Variants in CLEC11A observed in about 807,000 individuals in gnomAD.
CLEC11A encodes C-type lectin domain containing 11A.
A neutral mutation model predicts 33.9 loss-of-function variants in CLEC11A; 35 were observed. The ratio of observed to expected loss-of-function variants is 1.03; its 90% CI spans 0.79 to 1.37. The LOEUF (loss-of-function observed/expected upper bound fraction) is 1.37. Among genes scored for constraint, CLEC11A ranks in the 40% most tolerant of loss-of-function variants. The pLI is 0.00. For synonymous variants in CLEC11A, 220 were observed against 202.2 expected (o/e 1.09, Z -0.75); for missense variants, 519 against 455.5 (o/e 1.14, Z -1.27).
chr19:50,724,137 G>C lies in CLEC11A; in HGVS notation c.334+46G>C, dbSNP rs559666416. The C allele has an allele frequency of 1.1e-5, 17 of 1,603,370 alleles. No homozygotes were observed. The South Asian group carries it at 1.7e-4, about 16-fold the overall frequency. On this transcript the variant is annotated intron_variant, in intron 2 of 3. Coordinates refer to ENST00000250340, the MANE Select transcript of CLEC11A (RefSeq NM_002975.3). This position sits in a 1 kb window ranked among gnomAD's most constrained non-coding sequence, Gnocchi z 4.1. ...ACCCCCAAACTCCTAGGCCGCCGCGGTCACTTTCGCAAAAATGAAGGGTCG... is the reference window on the plus strand; with the variant it reads ...ACCCCCAAACTCCTAGGCCGCCGCGCTCACTTTCGCAAAAATGAAGGGTCG...
At position 50,724,354 on chromosome 19, in the gene CLEC11A, G is replaced by GGCCCCCCGCTGCATCTCCAGGCTC; in HGVS notation, c.335-55_335-32dup. ...TAGATCCCAGTTCTCCAGGTCCTCAGGCCCCCCGCTGCATCTCCAGGCTCC... is the reference window on the plus strand; with the variant it reads ...TAGATCCCAGTTCTCCAGGTCCTCAGGCCCCCCGCTGCATCTCCAGGCTCGCCCCCCGCTGCATCTCCAGGCTCC... On this transcript the variant is annotated intron_variant, in intron 2 of 3. Transcript: ENST00000250340. The surrounding 1 kb of genome is among the most constrained non-coding windows in gnomAD (Gnocchi z 4.1). The GGCCCCCCGCTGCATCTCCAGGCTC allele has an allele frequency of 7.2e-7, 1 of 1,383,474 alleles. No homozygotes were observed. The highest frequency in any genetic ancestry group is 9.5e-7 in the Non-Finnish European group (1 of 1,056,902). The allele number at this position is 1,383,474 out of a possible 1,614,324, so 85.7% of individuals were successfully genotyped here.
chr19:50,725,119 C>T lies in CLEC11A; in HGVS notation c.624C>T (p.Gly208=), dbSNP rs1369296648. 6.5e-7 allele frequency: 1 copy of T among 1,541,412 alleles called. No homozygotes were observed. Among genetic ancestry groups the T allele is most frequent in the East Asian group, 2.5e-5 (1 of 40,642 alleles). ...AAAQARCTAR[G]GSLAQPADRQ... ...CGCAGGCGCGGTGCACGGCGCGGGG[C>T]GGGAGCCTGGCGCAGCCGGCAGACC... The change falls in exon 4 of 4, where the codon GGC becomes GGT. Residue 208 remains glycine (G), a synonymous_variant. Transcript: ENST00000250340.
Position 50,725,102 on chromosome 19 carries a change from C to A in CLEC11A, c.607C>A (p.Arg203=). The A allele has an allele frequency of 6.5e-7, 1 of 1,528,638 alleles. No homozygotes were observed. Among genetic ancestry groups the A allele is most frequent in the Non-Finnish European group, 8.8e-7 (1 of 1,139,780 alleles). 94.7% of individuals were successfully genotyped at this position (1,528,638 alleles called of 1,614,324 possible). Reference sequence around the variant, plus strand: ...CGAAGCTCAGGCGGCGGCGCAGGCGCGGTGCACGGCGCGGGGCGGGAGCCT... The same window carrying A: ...CGAAGCTCAGGCGGCGGCGCAGGCGAGGTGCACGGCGCGGGGCGGGAGCCT... The part of the protein sequence containing the change: ...DFEAQAAAQA[R]CTARGGSLAQ... The change falls in exon 4 of 4, where the codon CGG becomes AGG. Residue 203 remains arginine (R), a synonymous_variant. Coordinates refer to ENST00000250340, the MANE Select transcript of CLEC11A (RefSeq NM_002975.3).
chr19:50,724,615 G>A lies in CLEC11A; in HGVS notation c.526+14G>A. 1 of 1,390,604 alleles carries A rather than the reference G, an allele frequency of 7.2e-7. No homozygotes were observed. Among genetic ancestry groups the A allele is most frequent in the Non-Finnish European group, 9.3e-7 (1 of 1,076,514 alleles). The allele number at this position is 1,390,604 out of a possible 1,614,324, so 86.1% of individuals were successfully genotyped here. A position where few individuals can be genotyped will look rare whatever the true frequency, so the allele number is the denominator to read the frequency against. On this transcript the variant is annotated intron_variant, in intron 3 of 3. Coordinates refer to ENST00000250340, the MANE Select transcript of CLEC11A (RefSeq NM_002975.3). The surrounding 1 kb of genome is among the most constrained non-coding windows in gnomAD (Gnocchi z 4.1). Reference sequence around the variant, plus strand: ...GCCGCTTGGAGGGTGAGTCCGCGGCGCGCGGGGTGGAAAAAAATGAGACTA... The same window carrying A: ...GCCGCTTGGAGGGTGAGTCCGCGGCACGCGGGGTGGAAAAAAATGAGACTA...
rs2089180162 is a variant in CLEC11A, at chr19:50,725,422, C to T, written c.927C>T (p.His309=). ...CTGACGACGGCTCCTGGTGGGACCA[C>T]GACTGCCAGCGGCGTCTCTACTACG... ...QASDDGSWWD[H]DCQRRLYYVC... is the part of the protein sequence containing the mutation. Residue 309 remains histidine (H), a synonymous_variant, in exon 4 of 4, where the codon CAC becomes CAT. Transcript: ENST00000250340. 2 of 1,610,564 alleles carry T rather than the reference C, an allele frequency of 1.2e-6. No individual in the cohort carries two copies. The highest frequency in any genetic ancestry group is 1.7e-6 in the Non-Finnish European group (2 of 1,178,788).
rs1470493643 is a variant in CLEC11A at position 50,723,910 on chromosome 19, G to C, written c.153G>C (p.Leu51=). The C allele has an allele frequency of 6.2e-7, 1 of 1,607,816 alleles. No individual in the cohort carries two copies. Among genetic ancestry groups the C allele is most frequent in the Admixed American group, 1.7e-5 (1 of 58,724 alleles). ...REREALMLKH[L]QEALGLPAGR... ...CCACCCCTCCCCTGCCCCAGCATCTGCAGGAAGCCCTAGGACTGCCTGCTG... is the reference window on the plus strand; with the variant it reads ...CCACCCCTCCCCTGCCCCAGCATCTCCAGGAAGCCCTAGGACTGCCTGCTG... The change falls in exon 2 of 4, where the codon CTG becomes CTC. Residue 51 remains leucine, a synonymous_variant. Transcript: ENST00000250340. The surrounding 1 kb of genome is among the most constrained non-coding windows in gnomAD (Gnocchi z 4.1).
At position 50,725,358 on chromosome 19, in the gene CLEC11A, C is replaced by G; in HGVS notation, c.863C>G (p.Pro288Arg). The change falls in exon 4 of 4, where the codon CCC becomes CGC. Residue 288 changes from proline (P) to arginine (R), a missense_variant. Pro to Arg is a moderately radical substitution (Grantham distance 103, BLOSUM62 -2). Transcript: ENST00000250340. ...CCGCATCCGCTCAGCCCGGACCAGC[C>G]CAACGGTGGCACGCTCGAGAACTGC... ...ASPHPLSPDQ[P>R]NGGTLENCVA... The G allele has an allele frequency of 6.2e-7, 1 of 1,612,300 alleles. No homozygotes were observed.
Position 50,725,298 on chromosome 19 carries a change from C to T in CLEC11A, c.803C>T (p.Pro268Leu), listed in dbSNP as rs2089178323. ...RVSFFAWHRS[P>L]RPELGAQPSA... ...TCCTTCTTCGCCTGGCATCGCTCAC[C>T]CCGCCCCGAGCTCGGCGCCCAGCCC... Residue 268 changes from proline (P) to leucine (L), a missense_variant, in exon 4 of 4, where the codon CCC (proline) becomes CTC (leucine). By Grantham distance (98) the Pro-to-Leu change is moderately conservative. Transcript: ENST00000250340. 18 of 1,612,006 alleles carry T rather than the reference C, an allele frequency of 1.1e-5. No homozygotes were observed. Among genetic ancestry groups the T allele is most frequent in the Non-Finnish European group, 1.4e-5 (17 of 1,179,452 alleles).
chr19:50,723,842 G>A lies in CLEC11A; in HGVS notation c.148-63G>A. 1 of 1,564,748 alleles carries A rather than the reference G, an allele frequency of 6.4e-7. No individual in the cohort carries two copies. Among genetic ancestry groups the A allele is most frequent in the Non-Finnish European group, 8.6e-7 (1 of 1,156,890 alleles). On this transcript the variant is annotated intron_variant, in intron 1 of 3. Transcript: ENST00000250340. The surrounding 1 kb of genome is among the most constrained non-coding windows in gnomAD (Gnocchi z 4.1). Reference sequence around the variant, plus strand: ...GGCAGCAGAGAATGAGTTATGAGTTGGAAAGGGGTGAATGGGGCATCTTGG... The same window carrying A: ...GGCAGCAGAGAATGAGTTATGAGTTAGAAAGGGGTGAATGGGGCATCTTGG...
Position 50,723,968 on chromosome 19 carries a change from G to GGC in CLEC11A, c.211_212insGC (p.Glu71GlyfsTer70). The GGC allele has an allele frequency of 6.2e-7, 1 of 1,613,798 alleles. No individual in the cohort carries two copies. Among genetic ancestry groups the GGC allele is most frequent in the Non-Finnish European group, 8.5e-7 (1 of 1,179,876 alleles). On this transcript the variant is annotated frameshift_variant, in exon 2 of 4. Transcript: ENST00000250340. LOFTEE classifies it high-confidence loss of function. This position sits in a 1 kb window ranked among gnomAD's most constrained non-coding sequence, Gnocchi z 4.1. ...GGATGAGAATCCTGCCGGAACTGTTGAGGGAAAAGAGGACTGGGAGATGGA... is the reference window on the plus strand; with the variant it reads ...GGATGAGAATCCTGCCGGAACTGTTGGCAGGGAAAAGAGGACTGGGAGATGGA...
Position 50,725,034 on chromosome 19 carries a change from G to T in CLEC11A, c.539G>T (p.Gly180Val). The T allele has an allele frequency of 6.7e-7, 1 of 1,495,690 alleles. No homozygotes were observed. The highest frequency in any genetic ancestry group is 8.9e-7 in the Non-Finnish European group (1 of 1,126,060). The allele number at this position is 1,495,690 out of a possible 1,614,324, so 92.7% of individuals were successfully genotyped here. A position where few individuals can be genotyped will look rare whatever the true frequency, so the allele number is the denominator to read the frequency against. The stretch of plus-strand genomic sequence containing the variant: ...GCCCCGCCCACAGGCTGCCTGAAGG[G>T]GCTGCGCCTGGGCCACAAGTGCTTC... The part of the protein sequence containing the change: ...EHGRLEGCLK[G>V]LRLGHKCFLL... The change falls in exon 4 of 4, where the codon GGG (glycine) becomes GTG (valine). Residue 180 changes from glycine (G) to valine (V), a missense_variant. Transcript: ENST00000250340.
chr19:50,725,274 CCTT>C lies in CLEC11A; in HGVS notation c.784_786del (p.Phe262del), dbSNP rs752130000. ...CTCTTCGAAAACGGCCAGCGCGTGT[CCTT>C]CTTCGCCTGGCATCGCTCACCCCGC... On this transcript the variant is annotated inframe_deletion, in exon 4 of 4. Transcript: ENST00000250340. 11 of 1,611,672 alleles carry C rather than the reference CCTT, an allele frequency of 6.8e-6. No homozygotes were observed. The highest frequency in any genetic ancestry group is 1.6e-4 in the Middle Eastern group (1 of 6,076).
At position 50,723,980 on chromosome 19, in the gene CLEC11A, G is replaced by A; in HGVS notation, c.223G>A (p.Asp75Asn). The A allele has an allele frequency of 6.2e-7, 1 of 1,613,764 alleles. No individual in the cohort carries two copies. The highest frequency in any genetic ancestry group is 1.1e-5 in the South Asian group (1 of 91,052). ...NPAGTVEGKE[D>N]WEMEEDQGEE... The stretch of plus-strand genomic sequence containing the variant: ...TGCCGGAACTGTTGAGGGAAAAGAG[G>A]ACTGGGAGATGGAGGAGGACCAGGG... Residue 75 changes from aspartate to asparagine, a missense_variant, in exon 2 of 4, where the codon GAC becomes AAC. Transcript: ENST00000250340. This position sits in a 1 kb window ranked among gnomAD's most constrained non-coding sequence, Gnocchi z 4.1.
Position 50,724,674 on chromosome 19 carries a change from A to G in CLEC11A, c.526+73A>G. 1 of 1,326,068 alleles carries G rather than the reference A, an allele frequency of 7.5e-7. No homozygotes were observed. The highest frequency in any genetic ancestry group is 9.7e-7 in the Non-Finnish European group (1 of 1,025,870). The allele number at this position is 1,326,068 out of a possible 1,614,324, so 82.1% of individuals were successfully genotyped here. A position where few individuals can be genotyped will look rare whatever the true frequency, so the allele number is the denominator to read the frequency against. On this transcript the variant is annotated intron_variant, in intron 3 of 3. Transcript: ENST00000250340. The surrounding 1 kb of genome is among the most constrained non-coding windows in gnomAD (Gnocchi z 4.1). ...AGGAATGGGACTGGTTGAGAAGGTG[A>G]CCCTAGGTGTCCGGGGCGGGAGAGT...
chr19:50,724,397 T>C lies in CLEC11A; in HGVS notation c.335-13T>C. On this transcript the variant is annotated splice_polypyrimidine_tract_variant and intron_variant, in intron 2 of 3. Transcript: ENST00000250340. This position sits in a 1 kb window ranked among gnomAD's most constrained non-coding sequence, Gnocchi z 4.1. ...CAGGCTCCCCCTCCAGCATGATCCC[T>C]GTCTGTCCGCAGTGGGCCGCCTGGC... 1 of 1,478,514 alleles carries C rather than the reference T, an allele frequency of 6.8e-7. No individual in the cohort carries two copies. The highest frequency in any genetic ancestry group is 8.9e-7 in the Non-Finnish European group (1 of 1,119,962). 91.6% of individuals were successfully genotyped at this position (1,478,514 alleles called of 1,614,324 possible).
Position 50,724,975 on chromosome 19 carries a change from T to C in CLEC11A, c.527-47T>C, listed in dbSNP as rs1055558499. The C allele has an allele frequency of 2.2e-6, 3 of 1,391,586 alleles. No individual in the cohort carries two copies. Among genetic ancestry groups the C allele is most frequent in the Non-Finnish European group, 1.9e-6 (2 of 1,074,538 alleles). 86.2% of individuals were successfully genotyped at this position (1,391,586 alleles called of 1,614,324 possible). On this transcript the variant is annotated intron_variant, in intron 3 of 3. Coordinates refer to ENST00000250340, the MANE Select transcript of CLEC11A (RefSeq NM_002975.3). The surrounding 1 kb of genome is among the most constrained non-coding windows in gnomAD (Gnocchi z 4.1). ...GTTTTGTCCTCGCCCCCTTCCAGAC[T>C]CTGAATGCATGACCCCGCCTCCTTC...
rs868795626 is a variant in CLEC11A, at chr19:50,724,076, A to G, written c.319A>G (p.Ile107Val). 1.9e-6 allele frequency: 3 copies of G among 1,607,214 alleles called. No homozygotes were observed. Among genetic ancestry groups the G allele is most frequent in the African/African-American group, 2.7e-5 (2 of 74,444 alleles). ...CAGCCCCTCTCCCACCCCTGAGGAC[A>G]TCGTCACTTACATCCGTGAGTAACC... ...GPSPSPTPED[I>V]VTYILGRLAG... Residue 107 changes from isoleucine (I) to valine (V), a missense_variant, in exon 2 of 4, where the codon ATC becomes GTC. Transcript: ENST00000250340. The surrounding 1 kb of genome is among the most constrained non-coding windows in gnomAD (Gnocchi z 4.1).
rs747826397 is a variant in CLEC11A at position 50,725,161 on chromosome 19, G to A, written c.666G>A (p.Ala222=). 1.8e-5 allele frequency: 29 copies of A among 1,568,468 alleles called. No homozygotes were observed. The highest frequency in any genetic ancestry group is 2.3e-5 in the Non-Finnish European group (27 of 1,158,920). Residue 222 remains alanine (A), a synonymous_variant, in exon 4 of 4, where the codon GCG becomes GCA. Transcript: ENST00000250340. The part of the protein sequence containing the change: ...AQPADRQQME[A]LTRYLRAALA... ...CGGCAGACCGCCAGCAGATGGAGGC[G>A]CTCACTCGGTACCTGCGCGCGGCGC...
rs1351196862 is a variant in CLEC11A at position 50,724,854 on chromosome 19, A to G, written c.527-168A>G. Reference sequence around the variant, plus strand: ...CACCGCCTGGCCCCGCCCCTGGCGGACCAGACTCTCCACCTCCTGGCTCCC... The same window carrying G: ...CACCGCCTGGCCCCGCCCCTGGCGGGCCAGACTCTCCACCTCCTGGCTCCC... On this transcript the variant is annotated intron_variant, in intron 3 of 3. Transcript: ENST00000250340. The surrounding 1 kb of genome is among the most constrained non-coding windows in gnomAD (Gnocchi z 4.1). 4.3e-6 allele frequency: 6 copies of G among 1,394,446 alleles called. No homozygotes were observed. The highest frequency in any genetic ancestry group is 3.1e-5 in the African/African-American group (2 of 65,360). 86.4% of individuals were successfully genotyped at this position (1,394,446 alleles called of 1,614,324 possible). A position where few individuals can be genotyped will look rare whatever the true frequency, so the allele number is the denominator to read the frequency against.
Sources: allele counts gnomAD v4.1 joint callset, GRCh38; gene constraint gnomAD v4.1.1; non-coding constraint Gnocchi (gnomAD v3.1); transcripts MANE v1.5; gene names NCBI Gene and HGNC (gene_info 2026-07-23, HGNC 2026-07-21).